Variants in ZNF780B observed in about 807,000 individuals in gnomAD.
ZNF780B encodes the protein zinc finger protein 779.
A neutral mutation model predicts 74.1 loss-of-function variants in ZNF780B; 52 were observed. The ratio of observed to expected loss-of-function variants is 0.70; its 90% confidence interval spans 0.56 to 0.88. The LOEUF (loss-of-function observed/expected upper bound fraction) is 0.88. Among genes scored for constraint, ZNF780B ranks in the 40% least tolerant of loss-of-function variants. ZNF780B has a pLI of 0.00. For missense variants in ZNF780B, 953 were observed against 1,007.6 expected (o/e 0.95, Z 0.73); for synonymous variants, 315 against 324.3 (o/e 0.97, Z 0.31).
chr19:40,055,761 C>G (rs981720682), intron 1 of ZNF780B, among the ~76,000 whole-genome samples: 10 of 152,168 alleles, frequency 6.6e-5, no homozygotes, highest in African/African-American at 2.2e-4. Context: ...CCTTCTTGTG[C>G]AAAGCTTCAT....
chr19:40,048,994 T>G, intron 2 of ZNF780B, 198 bp from the exon 3 acceptor site: 1 of 732,564 alleles, frequency 1.4e-6, no homozygotes, highest in African/African-American at 1.8e-5. Context: ...GAGACCAAGG[T>G]GGAAGGACTG....
chr19:40,034,900 G>C lies in ZNF780B; in HGVS notation c.1959C>G (p.Val653=). The change falls in exon 5 of 5, where the codon GTC becomes GTG. Residue 653 remains valine (V), a synonymous_variant. Transcript: ENST00000434248. ...TACTCTGATGTTGAACAAGGTTTGA[G>C]ACACGATTAAAGGACTTCCCACATT... is the stretch of plus-strand genomic sequence containing the variant. ...CKECGKSFNR[V]SNLVQHQSIH... The C allele has an allele frequency of 6.2e-7, 1 of 1,613,728 alleles. No homozygotes were observed. The highest frequency in any genetic ancestry group is 2.2e-5 in the East Asian group (1 of 44,832).
intron 4 of ZNF780B, 115 bp downstream of exon 4, chr19:40,047,260 T>G (rs969687067): frequency 3.5e-6 from 3 of 868,416 alleles, no homozygotes; most frequent in Non-Finnish European, 5.7e-6. Context: ...GTGGGGGACC[T>G]TGGGTTATTG....
Position 40,036,259 on chromosome 19 carries a change from T to C in ZNF780B, c.600A>G (p.Lys200=). ...TAAGTTGTATGTGAAGTTGAAAGGC[T>C]TTCCCACATTCTTTGCATTTATAGG... is the stretch of plus-strand genomic sequence containing the variant. ...EKPYKCKECG[K]AFQLHIQLTR... Residue 200 remains lysine (K), a synonymous_variant, in exon 5 of 5, where the codon AAA becomes AAG. Coordinates refer to ENST00000434248, the MANE Select transcript of ZNF780B (RefSeq NM_001005851.3). The C allele has an allele frequency of 6.2e-7, 1 of 1,612,332 alleles. No homozygotes were observed. The highest frequency in any genetic ancestry group is 8.5e-7 in the Non-Finnish European group (1 of 1,179,442).
At chr19:40,054,102 G>A (rs1479797919) in intron 1 of ZNF780B, among the ~76,000 whole-genome samples, 1 of 152,138 alleles carries the variant, frequency 6.6e-6, no homozygotes, top group Non-Finnish European at 1.5e-5. Context: ...GCAGTGAACC[G>A]AGATCACGCC....
chr19:40,035,062 G>A lies in ZNF780B; in HGVS notation c.1797C>T (p.His599=), dbSNP rs763417702. The A allele has an allele frequency of 1.9e-6, 3 of 1,613,614 alleles. No individual in the cohort carries two copies. The highest frequency in any genetic ancestry group is 3.3e-5 in the Admixed American group (2 of 59,982). The change falls in exon 5 of 5, where the codon CAC becomes CAT. Residue 599 remains histidine, a synonymous_variant. Transcript: ENST00000434248. ...TATGAAATTTCTGATGTCGAATAAG[G>A]TGCATATGAAGTCGAAAGGCTTTCC... ...ECGKAFRLHM[H]LIRHQKFHTG...
chr19:40,045,377 T>C (rs1429522831), intron 4 of ZNF780B, among the ~76,000 whole-genome samples: 1 of 152,146 alleles, frequency 6.6e-6, no homozygotes, highest in East Asian at 1.9e-4. Flanking sequence ...TGGTGGGATA[T>C]AAATTAGTAC....
chr19:40,051,001 A>G (rs1478591239), intron 1 of ZNF780B, among the ~76,000 whole-genome samples: 2 of 152,376 alleles, frequency 1.3e-5, no homozygotes, highest in East Asian at 3.9e-4. Flanking sequence ...GTTACAAAGC[A>G]GGATAAACAA....
chr19:40,052,261 CA>C (rs1287084401), intron 1 of ZNF780B, among the ~76,000 whole-genome samples: 2 of 152,084 alleles, frequency 1.3e-5, no homozygotes, highest in Non-Finnish European at 2.9e-5. Context: ...GTACAATGTT[CA>C]GCAGTATCCC....
At position 40,035,058 on chromosome 19, in the gene ZNF780B, T is replaced by C; in HGVS notation, c.1801A>G (p.Ile601Val). Residue 601 changes from isoleucine to valine, a missense_variant, in exon 5 of 5, where the codon ATT becomes GTT. Coordinates refer to ENST00000434248, the MANE Select transcript of ZNF780B (RefSeq NM_001005851.3). ...GKAFRLHMHL[I>V]RHQKFHTGEK... ...CCAGTATGAAATTTCTGATGTCGAA[T>C]AAGGTGCATATGAAGTCGAAAGGCT... is the stretch of plus-strand genomic sequence containing the variant. 1 of 1,614,000 alleles carries C rather than the reference T, an allele frequency of 6.2e-7. No individual in the cohort carries two copies. Among genetic ancestry groups the C allele is most frequent in the Non-Finnish European group, 8.5e-7 (1 of 1,179,980 alleles).
At chr19:40,053,674 A>T (rs1973343673) in intron 1 of ZNF780B, among the ~76,000 whole-genome samples, 1 of 152,248 alleles carries the variant, frequency 6.6e-6, no homozygotes, top group Non-Finnish European at 1.5e-5. Flanking sequence ...TCTATCAATG[A>T]ATGGATAAAG....
At position 40,032,160 on chromosome 19, in the gene ZNF780B, T is replaced by C; in HGVS notation, c.*2197A>G. 1 of 433,000 alleles carries C rather than the reference T, an allele frequency of 2.3e-6. No individual in the cohort carries two copies. Among genetic ancestry groups the C allele is most frequent in the South Asian group, 1.6e-5 (1 of 61,564 alleles). 26.8% of individuals were successfully genotyped at this position (433,000 alleles called of 1,614,324 possible). A position where few individuals can be genotyped will look rare whatever the true frequency, so the allele number is the denominator to read the frequency against. On this transcript the variant is annotated 3_prime_UTR_variant, in exon 5 of 5. Coordinates refer to ENST00000434248, the MANE Select transcript of ZNF780B (RefSeq NM_001005851.3). ...CTGGGCTACTCAAAATTCAATGTCA[T>C]TTTTTTAAAATGAGAAATGTTCTAG... is the stretch of plus-strand genomic sequence containing the variant.
At chr19:40,053,114 AG>A (rs1253714194) in intron 1 of ZNF780B, among the ~76,000 whole-genome samples, 1 of 152,224 alleles carries the variant, frequency 6.6e-6, no homozygotes, top group Admixed American at 6.5e-5. Flanking sequence ...AAGCTAAAAA[AG>A]CTTCTGCACA....
chr19:40,039,225 T>C (rs1282738206), intron 4 of ZNF780B, among the ~76,000 whole-genome samples: 2 of 152,228 alleles, frequency 1.3e-5, no homozygotes, highest in African/African-American at 4.8e-5. Context: ...TAGTTGTAGA[T>C]AGGCAGCATT....
chr19:40,054,820 C>T (rs551553449), intron 1 of ZNF780B, among the ~76,000 whole-genome samples: 87 of 152,334 alleles, frequency 5.7e-4, no homozygotes, highest in Non-Finnish European at 1.0e-3. Context: ...TGGATCCACT[C>T]CCCTATTCTT....
intron 4 of ZNF780B, among the ~76,000 whole-genome samples, chr19:40,041,927 G>A (rs1004765355): frequency 2.0e-5 from 3 of 152,114 alleles, no homozygotes; most frequent in Admixed American, 2.0e-4. Context: ...ATATTGTTAT[G>A]TGTGAATTTG....
In ZNF780B at chr19:40,034,875, T is replaced by A. The variant is rs750918007; in HGVS notation, c.1984A>T (p.Ile662Phe). ...RVSNLVQHQS[I>F]HAGVKPYECK... ...TCATATGGTTTTACACCAGCATGAA[T>A]ACTCTGATGTTGAACAAGGTTTGAG... The change falls in exon 5 of 5, where the codon ATT becomes TTT. Residue 662 changes from isoleucine to phenylalanine, a missense_variant. Ile to Phe is a conservative substitution (Grantham distance 21). Coordinates refer to ENST00000434248, the MANE Select transcript of ZNF780B (RefSeq NM_001005851.3). The A allele has an allele frequency of 1.6e-5, 26 of 1,613,944 alleles. No individual in the cohort carries two copies. In the South Asian group the frequency reaches 2.9e-4, roughly 18 times the overall value.
rs1252752172 is a variant in ZNF780B at position 40,032,785 on chromosome 19, C to A, written c.*1572G>T. On this transcript the variant is annotated 3_prime_UTR_variant, in exon 5 of 5. Transcript: ENST00000434248. ...ATGGTTTGCAGGCCAAGGAAGAAAT[C>A]TGAAGATGGAATGATATTACAGAAT... 1 of 152,546 alleles carries A rather than the reference C, an allele frequency of 6.6e-6. No individual in the cohort carries two copies. Among genetic ancestry groups the A allele is most frequent in the African/African-American group, 2.4e-5 (1 of 40,860 alleles). The allele number at this position is 152,546 out of a possible 1,614,324, so 9.4% of individuals were successfully genotyped here. A position where few individuals can be genotyped will look rare whatever the true frequency, so the allele number is the denominator to read the frequency against.
chr19:40,035,300 T>C lies in ZNF780B; in HGVS notation c.1559A>G (p.Gln520Arg), dbSNP rs779215188. 2 of 1,614,052 alleles carry C rather than the reference T, an allele frequency of 1.2e-6. No individual in the cohort carries two copies. Among genetic ancestry groups the C allele is most frequent in the African/African-American group, 2.7e-5 (2 of 74,916 alleles). ...FNRGSNLVQH[Q>R]SIHTGEKPYE... is the part of the protein sequence containing the mutation. ...GGGCTTCTCACCAGTGTGAATACTCTGATGTTGAACAAGGTTCGAGCCACG... is the reference window on the plus strand; with the variant it reads ...GGGCTTCTCACCAGTGTGAATACTCCGATGTTGAACAAGGTTCGAGCCACG... Residue 520 changes from glutamine to arginine, a missense_variant, in exon 5 of 5, where the codon CAG becomes CGG. Physicochemically the swap from Gln to Arg is conservative, Grantham distance 43. Transcript: ENST00000434248.
Sources: gnomAD v4.1 joint callset for allele counts (sites outside exome capture counted in the v4.1 genomes callset) on GRCh38, gnomAD v4.1.1 for gene constraint, MANE v1.5 for transcripts, NCBI Gene and HGNC (gene_info 2026-07-23, HGNC 2026-07-21) for gene names.